The following NF1 variants were observed in gnomAD, a reference collection of about 807,000 sequenced individuals.
The protein encoded by NF1 is neurofibromin.
Under a neutral mutation model 325.7 loss-of-function variants are expected in NF1, and 122 were observed. That is an observed-to-expected ratio of 0.37 (90% CI 0.32 to 0.44). The LOEUF (loss-of-function observed/expected upper bound fraction) is 0.44, where lower values mean the gene tolerates loss of function less well. Ranked by LOEUF, NF1 falls within the 20% of genes least tolerant of loss-of-function variation. The probability of loss-of-function intolerance (pLI) is 1.00; values close to 1 mark genes in which losing one functional copy is unlikely to be tolerated. For synonymous variants in NF1, 1,091 were observed against 1,186.0 expected, an observed-to-expected ratio of 0.92 and a Z score of 1.65; for missense variants, 2,140 against 3,415.4, an observed-to-expected ratio of 0.63 and a Z score of 9.31.
At chr17:31,200,059 C>T (rs1340911602) in intron 8 of NF1, among the ~76,000 whole-genome samples, 1 of 151,622 alleles carries the variant, frequency 6.6e-6, no homozygotes, top group African/African-American at 2.4e-5. Context: ...TCGCTTGACC[C>T]TGGGAGGCAG....
chr17:31,174,006 T>G (rs1484238751), intron 5 of NF1, among the ~76,000 whole-genome samples: 25 of 152,166 alleles, frequency 1.6e-4, no homozygotes, highest in Admixed American at 1.6e-3. Flanking sequence ...GTTACTTATT[T>G]GCAAGTCCAG....
At chr17:31,102,736 C>CAA (rs112263662) in intron 1 of NF1, among the ~76,000 whole-genome samples, 1 of 127,074 alleles carries the variant, frequency 7.9e-6, no homozygotes, top group Non-Finnish European at 1.7e-5. Flanking sequence ...CCCTGTCTTC[C>CAA]AAAAAAAAAA....
intron 8 of NF1, among the ~76,000 whole-genome samples, chr17:31,192,561 G>C (rs900409284): frequency 1.2e-4 from 19 of 152,196 alleles, no homozygotes. Flanking sequence ...TTCAGAGAGA[G>C]AGAAGGTTGT....
chr17:31,310,298 A>G (rs2068835173), intron 36 of NF1, among the ~76,000 whole-genome samples: 1 of 152,188 alleles, frequency 6.6e-6, no homozygotes, highest in Admixed American at 6.5e-5. Flanking sequence ...GCGAACAGAA[A>G]AGAGGAAGGT....
intron 36 of NF1, among the ~76,000 whole-genome samples, chr17:31,315,100 A>G (rs1466361346): frequency 1.3e-5 from 2 of 152,134 alleles, no homozygotes; most frequent in African/African-American, 4.8e-5. Context: ...GTATATTTGT[A>G]ATTAAATTAT....
At chr17:31,280,664 T>C (rs996792801) in intron 36 of NF1, among the ~76,000 whole-genome samples, 1 of 152,098 alleles carries the variant, frequency 6.6e-6, no homozygotes, top group East Asian at 1.9e-4. Context: ...AATTTCCTAA[T>C]TGGAGTATTT....
chr17:31,322,248 C>T (rs940906742), intron 36 of NF1, among the ~76,000 whole-genome samples: 8 of 151,796 alleles, frequency 5.3e-5, no homozygotes, highest in African/African-American at 1.2e-4. Flanking sequence ...GGAGGGTTGA[C>T]GCAGGCAGAT....
At chr17:31,295,050 A>G in intron 36 of NF1, 1 of 1,614,156 alleles carries the variant, frequency 6.2e-7, no homozygotes, top group Non-Finnish European at 8.5e-7. Flanking sequence ...AATAAGAGAA[A>G]TGAAGCATTT....
chr17:31,305,933 A>G (rs1050924360), intron 36 of NF1, among the ~76,000 whole-genome samples: 1 of 152,158 alleles, frequency 6.6e-6, no homozygotes, highest in African/African-American at 2.4e-5. Context: ...ATTATATTTC[A>G]GTACTTCACT....
chr17:31,162,331 G>T (rs1007630781), intron 3 of NF1, among the ~76,000 whole-genome samples: 4 of 152,142 alleles, frequency 2.6e-5, no homozygotes, highest in African/African-American at 9.7e-5. Context: ...ACAAAAATTA[G>T]CTGGGCATGG....
chr17:31,335,071 G>T (rs746613333), intron 40 of NF1, 40 bp downstream of exon 40: 6 of 1,548,106 alleles, frequency 3.9e-6, no homozygotes, highest in Non-Finnish European at 4.4e-6. Flanking sequence ...TATCTCCTTT[G>T]TGCACATATT....
At chr17:31,189,849 C>T (rs2066309747) in intron 8 of NF1, among the ~76,000 whole-genome samples, 1 of 150,098 alleles carries the variant, frequency 6.7e-6, no homozygotes. Context: ...GCAACCCCCG[C>T]CTCTCGGGTT....
intron 12 of NF1, among the ~76,000 whole-genome samples, chr17:31,210,246 A>G (rs2066704589): frequency 6.6e-6 from 1 of 152,208 alleles, no homozygotes; most frequent in Non-Finnish European, 1.5e-5. Context: ...ACATGTTTGC[A>G]GAATGAATGA....
rs776369842 is a variant in NF1, at chr17:31,374,882, TATCCAAACTCAGTC to T, written c.*737_*750del. 260 of 229,630 alleles carry T rather than the reference TATCCAAACTCAGTC, an allele frequency of 1.1e-3. 1 individual carries two copies. The highest frequency in any genetic ancestry group is 3.8e-3 in the Admixed American group (67 of 17,666). The allele number at this position is 229,630 out of a possible 1,614,324, so 14.2% of individuals were successfully genotyped here. ...ATTAAAACTATGGCTTCTAAGTCCTTATCCAAACTCAGTCATCCAAACTAGTTTATTTTTTTCTC... is the reference window on the plus strand; with the variant it reads ...ATTAAAACTATGGCTTCTAAGTCCTTATCCAAACTAGTTTATTTTTTTCTC... On this transcript the variant is annotated 3_prime_UTR_variant, in exon 58 of 58. Transcript: ENST00000358273.
At chr17:31,264,597 G>C (rs1169850806) in intron 35 of NF1, among the ~76,000 whole-genome samples, 1 of 152,128 alleles carries the variant, frequency 6.6e-6, no homozygotes, top group East Asian at 1.9e-4. Context: ...AGAATGGGAA[G>C]AAGTAATATT....
rs142141882 is a variant in NF1, at chr17:31,319,850, A to AT, written c.4836-5964dup. Among the ~76,000 whole-genome samples the AT allele has an allele frequency of 9.3e-3, 1,419 of 152,004 alleles. 28 individuals carry two copies. Among genetic ancestry groups the AT allele is most frequent in the African/African-American group, 0.032 (1,335 of 41,472 alleles). ...TTTTAAAGCATCATTTATACCTAGC[A>AT]TTTTTTCTGATTTTGACATAATTGT... On this transcript the variant is annotated intron_variant, in intron 36 of 57. Transcript: ENST00000358273.
At chr17:31,189,965 T>G (rs1357851223) in intron 8 of NF1, among the ~76,000 whole-genome samples, 3 of 151,778 alleles carry the variant, frequency 2.0e-5, no homozygotes, top group Non-Finnish European at 4.4e-5. Flanking sequence ...TTCTCCATGC[T>G]GGTCAGGCTG....
In NF1 at chr17:31,356,573, T is replaced by C. The variant is rs778143477; in HGVS notation, c.7729T>C (p.Tyr2577His). Residue 2577 changes from tyrosine (Y) to histidine (H), a missense_variant, in exon 52 of 58, where the codon TAT becomes CAT. Physicochemically the swap from Tyr to His is moderately conservative, Grantham distance 83 (BLOSUM62 2). Around this residue, in one of 10 missense-constraint regions of NF1, gnomAD observed 522 missense variants for 749.0 expected, o/e 0.70. Coordinates refer to ENST00000358273, the MANE Select transcript of NF1 (RefSeq NM_001042492.3). ...PKMRRVAETD[Y>H]EMETQRISSS... ...AATGAGGAGAGTAGCAGAAACTGAT[T>C]ATGAAATGGGTGAGAAACAAAGTAT... 1.2e-6 allele frequency: 2 copies of C among 1,613,714 alleles called. No homozygotes were observed. The highest frequency in any genetic ancestry group is 2.2e-5 in the South Asian group (2 of 91,080).
intron 22 of NF1, 28 bp from the exon 23 acceptor site, chr17:31,230,232 T>G (rs2151431408): frequency 6.2e-7 from 1 of 1,610,966 alleles, no homozygotes; most frequent in Non-Finnish European, 8.5e-7. Flanking sequence ...TATCTGATAA[T>G]TTTTTTATTG....
Sources: allele counts gnomAD v4.1 joint callset (sites outside exome capture counted in the v4.1 genomes callset), GRCh38; gene constraint gnomAD v4.1.1; regional missense constraint gnomAD v4.1.1; transcripts MANE v1.5; gene names NCBI Gene and HGNC (gene_info 2026-07-23, HGNC 2026-07-21).